TUSC3: variants seen among roughly 807,000 people sequenced by gnomAD.
TUSC3 encodes dolichyl-diphosphooligosaccharide--protein glycosyltransferase subunit TUSC3.
Under a neutral mutation model 44.8 loss-of-function variants are expected in TUSC3, and 45 were observed. The observed-to-expected ratio is 1.00, with a 90% CI of 0.79 to 1.29. TUSC3 has a LOEUF of 1.29. TUSC3 is among the 50% of genes most tolerant of loss of function. TUSC3 has a pLI of 0.00. For missense variants in TUSC3, 519 were observed against 437.9 expected (o/e 1.19, Z -1.65); for synonymous variants, 212 against 152.9 (o/e 1.39, Z -2.85).
At chr8:15,432,545 C>T (rs10283323) in intron 1 of TUSC3, among the ~76,000 whole-genome samples, 24,685 of 151,912 alleles carry the variant, frequency 0.16, 2,079 homozygotes, top group Middle Eastern at 0.22. Flanking sequence ...TGTTTTTTGC[C>T]TTTCAAAATG....
the TUSC3 span, among the ~76,000 whole-genome samples, chr8:15,785,066 AG>A: frequency 8.5e-5 from 13 of 152,230 alleles, 1 homozygote; most frequent in South Asian, 2.7e-3. Context: ...TTTTAAAAGA[AG>A]AAAAAAGGAT....
intron 1 of TUSC3, among the ~76,000 whole-genome samples, chr8:15,603,510 G>A (rs976738566): frequency 4.6e-5 from 7 of 151,568 alleles, no homozygotes; most frequent in African/African-American, 1.7e-4. Flanking sequence ...AATGAAGCCT[G>A]TGTACTTCTT....
chr8:15,638,992 A>C lies in TUSC3; in HGVS notation c.309-11705A>C, dbSNP rs116428280. 2.3e-3 allele frequency among the ~76,000 whole-genome samples: 333 copies of C among 145,270 alleles called. 1 individual carries two copies. Among genetic ancestry groups the C allele is most frequent in the African/African-American group, 8.5e-3 (305 of 36,066 alleles). ...GTCGATGCTAGATCACGTGATGTTC[A>C]AGGCTTCAGTGATGATGATCATGTG... is the stretch of plus-strand genomic sequence containing the variant. On this transcript the variant is annotated intron_variant, in intron 2 of 10. Transcript: ENST00000503731.
At chr8:15,778,109 A>AC in the TUSC3 span, among the ~76,000 whole-genome samples, 34 of 104,348 alleles carry the variant, frequency 3.3e-4, no homozygotes, top group Non-Finnish European at 5.4e-4. Context: ...CAAAAAAAAA[A>AC]AACAAAAAAC....
chr8:15,475,777 C>T (rs990927132), intron 1 of TUSC3, among the ~76,000 whole-genome samples: 1 of 152,122 alleles, frequency 6.6e-6, no homozygotes. Context: ...AACTAGTTTG[C>T]ATTTTATAAA....
rs185133774 is a variant in TUSC3 at position 15,542,032 on chromosome 8, C to G, written c.138+1464C>G. Among the ~76,000 whole-genome samples the G allele has an allele frequency of 1.1e-3, 173 of 151,032 alleles. 2 individuals carry two copies. Among genetic ancestry groups the G allele is most frequent in the African/African-American group, 4.0e-3 (165 of 41,236 alleles). On this transcript the variant is annotated intron_variant, in intron 1 of 10. Transcript: ENST00000503731. ...TTTTTTTGCCAGTGTTAAGGATGCA[C>G]TGGTGACACAGCCTCTGGAGGTCCT...
At position 15,540,508 on chromosome 8, in the gene TUSC3, C is replaced by T. The variant is rs1406082472; in HGVS notation, c.78C>T (p.Pro26=). ...GGTACCTGCCCACCGGGAGCTTTCC[C>T]TTCCTTCTCCTGCTGCTGCTGCTCT... ...RLRYLPTGSF[P]FLLLLLLLCI... Residue 26 remains proline (P), a synonymous_variant, in exon 1 of 11, where the codon CCC becomes CCT. Transcript: ENST00000503731. The T allele has an allele frequency of 7.5e-6, 12 of 1,608,406 alleles. No homozygotes were observed. Among genetic ancestry groups the T allele is most frequent in the African/African-American group, 1.3e-5 (1 of 74,122 alleles).
chr8:15,697,517 T>A (rs905379382), intron 6 of TUSC3, among the ~76,000 whole-genome samples: 2 of 152,194 alleles, frequency 1.3e-5, no homozygotes, highest in African/African-American at 4.8e-5. Flanking sequence ...GGGGGTCTAG[T>A]TCGCTATCTT....
At chr8:15,489,858 G>C (rs10090140) in intron 2 of TUSC3, among the ~76,000 whole-genome samples, 5 of 152,094 alleles carry the variant, frequency 3.3e-5, no homozygotes, top group Non-Finnish European at 7.4e-5. Flanking sequence ...AGTCCCTTGG[G>C]CTTAGAATTC....
intron 6 of TUSC3, among the ~76,000 whole-genome samples, chr8:15,701,223 C>A (rs752558005): frequency 2.6e-5 from 4 of 151,974 alleles, no homozygotes; most frequent in Non-Finnish European, 5.9e-5. Flanking sequence ...CCTTTTTATT[C>A]CCCCACAAAA....
chr8:15,432,100 G>C (rs1006642814), intron 1 of TUSC3, among the ~76,000 whole-genome samples: 7 of 151,730 alleles, frequency 4.6e-5, no homozygotes, highest in Middle Eastern at 3.2e-3. Flanking sequence ...GTCTGGCTTT[G>C]GTATCAGAGT....
At chr8:15,423,933 G>A (rs1495091) in intron 1 of TUSC3, among the ~76,000 whole-genome samples, 41,563 of 108,962 alleles carry the variant, frequency 0.38, 8,744 homozygotes, top group African/African-American at 0.59. Context: ...GAAAGTCTTC[G>A]TTTTTTCTCT....
At chr8:15,734,273 A>G (rs1301473334) in intron 7 of TUSC3, among the ~76,000 whole-genome samples, 1 of 152,194 alleles carries the variant, frequency 6.6e-6, no homozygotes, top group Admixed American at 6.5e-5. Context: ...CAGTTGCTAT[A>G]TACAAAGTTT....
chr8:15,728,378 G>A (rs10098934), intron 6 of TUSC3, among the ~76,000 whole-genome samples: 5,477 of 150,332 alleles, frequency 0.036, 298 homozygotes, highest in African/African-American at 0.12. Context: ...TCCTGGTAGC[G>A]GTGAAAAGTG....
chr8:15,510,333 A>G (rs1253321711), intron 2 of TUSC3, among the ~76,000 whole-genome samples: 1 of 152,174 alleles, frequency 6.6e-6, no homozygotes, highest in Non-Finnish European at 1.5e-5. Flanking sequence ...GATCAATACA[A>G]TTGATAAAGT....
chr8:15,631,620 AT>A (rs1805766571), intron 2 of TUSC3, among the ~76,000 whole-genome samples: 1 of 151,952 alleles, frequency 6.6e-6, no homozygotes, highest in African/African-American at 2.4e-5. Flanking sequence ...TACATCATGA[AT>A]ATTGTCCCTA....
intron 1 of TUSC3, among the ~76,000 whole-genome samples, chr8:15,471,592 T>C (rs1406007135): frequency 6.6e-6 from 1 of 151,962 alleles, no homozygotes; most frequent in African/African-American, 2.4e-5. Flanking sequence ...TAAATTTACT[T>C]ATAACGGAAA....
At chr8:15,504,798 G>A (rs1275686253) in intron 2 of TUSC3, among the ~76,000 whole-genome samples, 3 of 150,000 alleles carry the variant, frequency 2.0e-5, no homozygotes, top group African/African-American at 7.4e-5. Context: ...AACTACAGGT[G>A]CCTGCCACCA....
chr8:15,549,214 G>C (rs532740487), intron 1 of TUSC3, among the ~76,000 whole-genome samples: 1 of 151,438 alleles, frequency 6.6e-6, no homozygotes, highest in East Asian at 2.0e-4. Context: ...TTGCTCTGTC[G>C]CCCAGGCTGG....
Sources: allele counts gnomAD v4.1 joint callset (sites outside exome capture counted in the v4.1 genomes callset), GRCh38; gene constraint gnomAD v4.1.1; transcripts MANE v1.5; gene names NCBI Gene and HGNC (gene_info 2026-07-23, HGNC 2026-07-21).